The following PCDH9 variants were observed in gnomAD, a reference collection of about 807,000 sequenced individuals.
PCDH9 encodes protocadherin-9.
A neutral mutation model predicts 70.6 loss-of-function variants in PCDH9; 24 were observed. That is an observed-to-expected ratio of 0.34 (90% CI 0.25 to 0.48). PCDH9 has a LOEUF of 0.48. PCDH9 is among the 20% of genes least tolerant of loss of function. The pLI is 0.99. For missense variants in PCDH9, 1,281 were observed against 1,503.6 expected (o/e 0.85, Z 2.45); for synonymous variants, 562 against 558.5 (o/e 1.01, Z -0.09).
intron 3 of PCDH9, among the ~76,000 whole-genome samples, chr13:66,767,936 G>T (rs980739368): frequency 4.6e-5 from 7 of 152,054 alleles, no homozygotes; most frequent in Admixed American, 2.0e-4. Context: ...CTAGTACAGT[G>T]GGCAGACTTG....
chr13:66,652,582 C>A (rs1294676551), intron 3 of PCDH9, among the ~76,000 whole-genome samples: 1 of 150,758 alleles, frequency 6.6e-6, no homozygotes, highest in Non-Finnish European at 1.5e-5. Flanking sequence ...TTGGTTCAAT[C>A]TGTAAAAAAA....
intron 4 of PCDH9, among the ~76,000 whole-genome samples, chr13:66,326,855 A>T (rs1955857374): frequency 6.6e-6 from 1 of 152,254 alleles, no homozygotes; most frequent in Admixed American, 6.5e-5. Context: ...TATTAAACAT[A>T]CAAAACAAAA....
At chr13:66,600,066 G>A (rs1053045786) in intron 4 of PCDH9, among the ~76,000 whole-genome samples, 2 of 151,762 alleles carry the variant, frequency 1.3e-5, no homozygotes, top group Admixed American at 6.6e-5. Flanking sequence ...CATATAAGCT[G>A]TCAGTAAATT....
intron 4 of PCDH9, among the ~76,000 whole-genome samples, chr13:66,540,534 T>C (rs575021658): frequency 6.6e-6 from 1 of 152,294 alleles, no homozygotes; most frequent in Non-Finnish European, 1.5e-5. Context: ...AGGATAATTT[T>C]ATATTAGATG....
chr13:66,385,882 G>C (rs1002828204), intron 4 of PCDH9, among the ~76,000 whole-genome samples: 1 of 151,926 alleles, frequency 6.6e-6, no homozygotes, highest in Admixed American at 6.6e-5. Context: ...TCAATCTTGA[G>C]AGAAACCATA....
intron 3 of PCDH9, among the ~76,000 whole-genome samples, chr13:66,881,592 A>T (rs1473527878): frequency 1.3e-5 from 2 of 152,178 alleles, no homozygotes; most frequent in East Asian, 3.9e-4. Flanking sequence ...TCAATAAGGG[A>T]TATATAATAA....
At chr13:66,489,628 T>C (rs1566365742) in intron 4 of PCDH9, among the ~76,000 whole-genome samples, 1 of 152,248 alleles carries the variant, frequency 6.6e-6, no homozygotes, top group East Asian at 1.9e-4. Flanking sequence ...TGATTATTAG[T>C]ATACAACTAC....
At chr13:66,489,005 A>T (rs1051667109) in intron 4 of PCDH9, among the ~76,000 whole-genome samples, 3 of 152,176 alleles carry the variant, frequency 2.0e-5, no homozygotes, top group Non-Finnish European at 4.4e-5. Flanking sequence ...ACACACAAAA[A>T]TAGTTACATT....
At chr13:67,026,601 T>G (rs2084787223) in intron 2 of PCDH9, among the ~76,000 whole-genome samples, 1 of 152,092 alleles carries the variant, frequency 6.6e-6, no homozygotes, top group East Asian at 1.9e-4. Context: ...GGGTATTCAA[T>G]TAGGAAAAGA....
chr13:66,874,942 T>TGTGA (rs533672911), intron 3 of PCDH9, among the ~76,000 whole-genome samples: 2,354 of 109,932 alleles, frequency 0.021, 62 homozygotes, highest in South Asian at 0.1. Flanking sequence ...TGTGTGTGTG[T>TGTGA]GAGAGAGAGA....
chr13:66,913,156 A>C (rs552708997), intron 2 of PCDH9, among the ~76,000 whole-genome samples: 1 of 152,186 alleles, frequency 6.6e-6, no homozygotes, highest in South Asian at 2.1e-4. Flanking sequence ...TAAAAAGTTC[A>C]GTGGTTTACT....
At chr13:66,349,389 A>G (rs963769561) in intron 4 of PCDH9, among the ~76,000 whole-genome samples, 5 of 152,154 alleles carry the variant, frequency 3.3e-5, no homozygotes, top group African/African-American at 1.2e-4. Context: ...GATATTTGAG[A>G]CCCAAAGCAG....
intron 2 of PCDH9, among the ~76,000 whole-genome samples, chr13:66,963,059 C>T (rs2139729211): frequency 6.6e-6 from 1 of 152,130 alleles, no homozygotes; most frequent in East Asian, 1.9e-4. Context: ...CAACCTAGAA[C>T]CCTCGCATGC....
At chr13:66,712,634 C>T (rs1046630927) in intron 3 of PCDH9, among the ~76,000 whole-genome samples, 2 of 152,082 alleles carry the variant, frequency 1.3e-5, no homozygotes, top group Non-Finnish European at 2.9e-5. Flanking sequence ...ACTTCCTCTC[C>T]AATTGAATTG....
At chr13:66,788,648 A>ATTTTTTTTTTTTTTTTTTTTTTTTTTT (rs58386697) in intron 3 of PCDH9, among the ~76,000 whole-genome samples, 2 of 81,886 alleles carry the variant, frequency 2.4e-5, no homozygotes, top group Non-Finnish European at 4.6e-5. Context: ...CTAAACAGTA[A>ATTTTTTTTTTTTTTTTTTTTTTTTTTT]TTTTTTTTTT....
intron 4 of PCDH9, among the ~76,000 whole-genome samples, chr13:66,570,588 A>C (rs986082230): frequency 5.3e-5 from 8 of 152,160 alleles, no homozygotes; most frequent in African/African-American, 1.9e-4. Flanking sequence ...ACTGTATGTC[A>C]ATCTTCAATT....
intron 4 of PCDH9, among the ~76,000 whole-genome samples, chr13:66,439,884 T>A (rs11838710): frequency 1.3e-5 from 2 of 152,106 alleles, no homozygotes; most frequent in African/African-American, 4.8e-5. Context: ...GAGGAGTTAA[T>A]AAAGGGTTAC....
chr13:66,830,983 A>G (rs1355434865), intron 3 of PCDH9, among the ~76,000 whole-genome samples: 1 of 152,244 alleles, frequency 6.6e-6, no homozygotes, highest in Non-Finnish European at 1.5e-5. Flanking sequence ...AAATGTGAAC[A>G]GCTGCAGTTA....
chr13:66,479,220 T>C (rs1279826630), intron 4 of PCDH9, among the ~76,000 whole-genome samples: 1 of 152,164 alleles, frequency 6.6e-6, no homozygotes, highest in Non-Finnish European at 1.5e-5. Context: ...AAAAAACATA[T>C]CCTTTCCAAA....
Sources: gnomAD v4.1 joint callset for allele counts (sites outside exome capture counted in the v4.1 genomes callset) on GRCh38, gnomAD v4.1.1 for gene constraint, MANE v1.5 for transcripts, NCBI Gene and HGNC (gene_info 2026-07-23, HGNC 2026-07-21) for gene names.